The following SEMA5B variants were observed in gnomAD, a reference collection of about 807,000 sequenced individuals.
SEMA5B encodes the protein semaphorin-5B.
SEMA5B carries 66 observed loss-of-function variants against 135.0 expected under a neutral mutation model. The ratio of observed to expected loss-of-function variants is 0.49; its 90% CI spans 0.40 to 0.60. The LOEUF is 0.60. Ranked by LOEUF, SEMA5B falls within the 20% of genes least tolerant of loss-of-function variation. SEMA5B has a pLI of 0.00. For missense variants in SEMA5B, 1,501 were observed against 1,566.3 expected, an observed-to-expected ratio of 0.96 and a Z score of 0.70; for synonymous variants, 690 against 639.5, an observed-to-expected ratio of 1.08 and a Z score of -1.19.
chr3:122,938,151 C>T lies in SEMA5B; in HGVS notation c.474+1274G>A, dbSNP rs149859699. ...TGATCCCTTATGTGCATATTCCTTGCGGCAAGGTACTGGGCCTGATTCACT... is the reference window on the plus strand; with the variant it reads ...TGATCCCTTATGTGCATATTCCTTGTGGCAAGGTACTGGGCCTGATTCACT... On this transcript the variant is annotated intron_variant, in intron 5 of 22. Transcript: ENST00000357599. 7.1e-3 allele frequency among the ~76,000 whole-genome samples: 1,074 copies of T among 152,338 alleles called. 47 individuals carry two copies. The highest frequency in any genetic ancestry group is 0.062 in the Admixed American group (950 of 15,298).
chr3:122,932,517 G>A (rs138056108), intron 5 of SEMA5B, among the ~76,000 whole-genome samples: 208 of 152,072 alleles, frequency 1.4e-3, no homozygotes, highest in African/African-American at 4.8e-3. Context: ...ATCTCGCTGG[G>A]CAAAGGTCCA....
chr3:123,003,748 C>T (rs1023969836), intron 1 of SEMA5B, among the ~76,000 whole-genome samples: 3 of 152,160 alleles, frequency 2.0e-5, no homozygotes, highest in African/African-American at 7.2e-5. Flanking sequence ...GCAGGAGAAT[C>T]GCATGAACCT....
At chr3:122,991,653 A>G (rs1941880774) in intron 1 of SEMA5B, among the ~76,000 whole-genome samples, 1 of 151,118 alleles carries the variant, frequency 6.6e-6, no homozygotes, top group Non-Finnish European at 1.5e-5. Flanking sequence ...AAGAAGGAAA[A>G]TCTCAGATGA....
intron 12 of SEMA5B, among the ~76,000 whole-genome samples, chr3:122,920,574 A>T (rs550671207): frequency 2.5e-4 from 38 of 152,202 alleles, no homozygotes; most frequent in Non-Finnish European, 4.9e-4. Context: ...CACTTTATGA[A>T]TACTAGTCCC....
At chr3:122,969,015 A>G (rs995260458) in intron 1 of SEMA5B, among the ~76,000 whole-genome samples, 14 of 152,206 alleles carry the variant, frequency 9.2e-5, no homozygotes, top group Non-Finnish European at 1.9e-4. Context: ...GTGAAAATAC[A>G]TGGGTTCTGT....
chr3:122,909,877 G>T lies in SEMA5B; in HGVS notation c.*266C>A, dbSNP rs559066116. On this transcript the variant is annotated 3_prime_UTR_variant, in exon 23 of 23. Transcript: ENST00000357599. ...TCCACAGCCCAGGCATGGCAGCATA[G>T]TGTCAGCGTGACAGTGGGTTGGAAG... 2.6e-5 allele frequency: 11 copies of T among 418,420 alleles called. No individual in the cohort carries two copies. Among genetic ancestry groups the T allele is most frequent in the Middle Eastern group, 6.2e-4 (1 of 1,626 alleles). 25.9% of individuals were successfully genotyped at this position (418,420 alleles called of 1,614,324 possible).
chr3:122,948,381 G>A (rs944386647), intron 3 of SEMA5B, 125 bp downstream of exon 3: 6 of 738,930 alleles, frequency 8.1e-6, no homozygotes, highest in South Asian at 2.9e-5. Context: ...ACCCCGGGAC[G>A]GGACCCAGCA....
At chr3:123,005,069 A>G (rs1375883124) in intron 1 of SEMA5B, among the ~76,000 whole-genome samples, 1 of 152,120 alleles carries the variant, frequency 6.6e-6, no homozygotes, top group Non-Finnish European at 1.5e-5. Context: ...AGGTCAGAGG[A>G]ATGGCAGAAG....
rs1285549276 is a variant in SEMA5B, at chr3:122,913,211, A to G, written c.2494T>C (p.Cys832Arg). The G allele has an allele frequency of 1.9e-6, 3 of 1,566,500 alleles. No homozygotes were observed. The highest frequency in any genetic ancestry group is 1.2e-5 in the South Asian group (1 of 86,242). ...GGGCGCGGGGTACCGTCGGTGTCGCAGGAGCCGGAGCCGTCCGCGGGACAG... is the reference window on the plus strand; with the variant it reads ...GGGCGCGGGGTACCGTCGGTGTCGCGGGAGCCGGAGCCGTCCGCGGGACAG... ...RTCPADGSGSCDTDALVEVLL... is the reference protein window; with the variant it reads ...RTCPADGSGSRDTDALVEVLL... The change falls in exon 17 of 23, where the codon TGC (cysteine) becomes CGC (arginine). Residue 832 changes from cysteine to arginine, a missense_variant. By Grantham distance (180) the Cys-to-Arg change is radical. Around this residue, in one of 2 missense-constraint regions of SEMA5B, gnomAD observed 927 missense variants for 881.6 expected, o/e 1.05. Coordinates refer to ENST00000357599, the MANE Select transcript of SEMA5B (RefSeq NM_001031702.4).
intron 7 of SEMA5B, 96 bp downstream of exon 7, chr3:122,928,421 G>T: frequency 1.1e-6 from 1 of 894,396 alleles, no homozygotes; most frequent in Non-Finnish European, 1.7e-6. Flanking sequence ...GTGTCTGTTT[G>T]CAAAATTTGG....
chr3:122,984,826 G>A (rs920276925), intron 1 of SEMA5B, among the ~76,000 whole-genome samples: 2 of 152,202 alleles, frequency 1.3e-5, no homozygotes, highest in Non-Finnish European at 2.9e-5. Flanking sequence ...AAATTTGTCT[G>A]ACACAGGCAA....
chr3:123,006,013 T>C (rs116895301), intron 1 of SEMA5B, among the ~76,000 whole-genome samples: 1 of 152,336 alleles, frequency 6.6e-6, no homozygotes, highest in East Asian at 1.9e-4. Flanking sequence ...CCTCCTGAGA[T>C]GGATAATGCT....
At chr3:122,987,675 G>T (rs927693733) in intron 1 of SEMA5B, among the ~76,000 whole-genome samples, 1 of 152,142 alleles carries the variant, frequency 6.6e-6, no homozygotes, top group Non-Finnish European at 1.5e-5. Flanking sequence ...TGCTATGGAC[G>T]GACGCCCTGT....
At position 122,915,563 on chromosome 3, in the gene SEMA5B, T is replaced by C; in HGVS notation, c.1865A>G (p.Glu622Gly). The change falls in exon 14 of 23, where the codon GAG (glutamate) becomes GGG (glycine). Residue 622 changes from glutamate to glycine, a missense_variant. This residue lies in a region of SEMA5B where 927 missense variants were observed against 881.6 expected (regional missense o/e 1.05). Transcript: ENST00000357599. ...GCCTGAGTTGTCCCCATCCAAGTGC[T>C]CACATGGTTGCCATGGTGACCATGG... ...FGPWSPWQPC[E>G]HLDGDNSGSC... The C allele has an allele frequency of 6.2e-7, 1 of 1,614,064 alleles. No homozygotes were observed. Among genetic ancestry groups the C allele is most frequent in the South Asian group, 1.1e-5 (1 of 91,080 alleles).
intron 9 of SEMA5B, among the ~76,000 whole-genome samples, chr3:122,924,742 CAT>C (rs1938538403): frequency 6.6e-6 from 1 of 152,154 alleles, no homozygotes. Flanking sequence ...AACCTCTGCA[CAT>C]ATTCCCTCAG....
intron 5 of SEMA5B, among the ~76,000 whole-genome samples, chr3:122,934,907 A>G (rs1939178076): frequency 6.6e-6 from 1 of 151,946 alleles, no homozygotes; most frequent in South Asian, 2.1e-4. Flanking sequence ...TTTTTTAGAA[A>G]TGTATACTGA....
intron 1 of SEMA5B, among the ~76,000 whole-genome samples, chr3:122,977,328 T>C (rs1249524368): frequency 6.6e-6 from 1 of 152,212 alleles, no homozygotes; most frequent in Non-Finnish European, 1.5e-5. Context: ...CGCTGAATAA[T>C]AAACGAATTG....
intron 16 of SEMA5B, 25 bp downstream of exon 16, chr3:122,913,509 C>T (rs754379425): frequency 6.2e-7 from 1 of 1,603,234 alleles, no homozygotes; most frequent in South Asian, 1.1e-5. Flanking sequence ...ACACCGCGCC[C>T]CTGGCCCACG....
chr3:122,974,134 G>T (rs1401778979), intron 1 of SEMA5B, among the ~76,000 whole-genome samples: 1 of 152,232 alleles, frequency 6.6e-6, no homozygotes, highest in Admixed American at 6.5e-5. Context: ...ACACATGCTT[G>T]CAGGCGGGGA....
Sources: gnomAD v4.1 joint callset for allele counts (sites outside exome capture counted in the v4.1 genomes callset) on GRCh38, gnomAD v4.1.1 for gene constraint, gnomAD v4.1.1 regional missense constraint, MANE v1.5 for transcripts, NCBI Gene and HGNC (gene_info 2026-07-23, HGNC 2026-07-21) for gene names.